The following NELL1 variants were observed in gnomAD, a reference collection of about 807,000 sequenced individuals.
NELL1 encodes neural EGFL like 1, also known as protein kinase C-binding protein NELL1.
NELL1 carries 76 observed loss-of-function variants against 107.4 expected under a neutral mutation model. The ratio of observed to expected loss-of-function variants is 0.71; its 90% CI spans 0.59 to 0.86. The LOEUF is 0.86. NELL1 is among the 40% of genes least tolerant of loss of function. The pLI, the probability that NELL1 is intolerant of heterozygous loss-of-function variation, is 0.00. For missense variants in NELL1, 1,024 were observed against 1,005.5 expected (o/e 1.02, Z -0.25); for synonymous variants, 353 against 341.2 (o/e 1.03, Z -0.38).
chr11:21,337,780 CTTTCTTT>C (rs1850451557), intron 14 of NELL1, among the ~76,000 whole-genome samples: 1 of 139,998 alleles, frequency 7.1e-6, no homozygotes, highest in Non-Finnish European at 1.5e-5. Context: ...TTCTTTCTTT[CTTTCTTT>C]CTTTCTTTCC....
chr11:21,378,165 T>C (rs184509580), intron 15 of NELL1, among the ~76,000 whole-genome samples: 4 of 151,788 alleles, frequency 2.6e-5, no homozygotes. Context: ...TCTCCAGACG[T>C]TGCCAAATAT....
intron 3 of NELL1, among the ~76,000 whole-genome samples, chr11:20,845,879 T>G (rs1272652496): frequency 6.6e-6 from 1 of 151,498 alleles, no homozygotes; most frequent in Non-Finnish European, 1.5e-5. Flanking sequence ...TTTAAACCCC[T>G]TTTTAGTTTT....
chr11:20,674,494 G>T lies in NELL1; in HGVS notation c.56-3438G>T, dbSNP rs577202976. The T allele has an allele frequency of 2.4e-5, 37 of 1,535,940 alleles. No individual in the cohort carries two copies. In the Middle Eastern group the frequency reaches 8.3e-4, roughly 35 times the overall value. On this transcript the variant is annotated intron_variant, in intron 1 of 19. Coordinates refer to ENST00000357134, the MANE Select transcript of NELL1 (RefSeq NM_006157.5). ...AAACATGAAATTTCCTACAGCAGAAGATATGAAGCCACCCGTGTTATCGCT... is the reference window on the plus strand; with the variant it reads ...AAACATGAAATTTCCTACAGCAGAATATATGAAGCCACCCGTGTTATCGCT...
intron 8 of NELL1, among the ~76,000 whole-genome samples, chr11:20,928,076 AG>A (rs1850537588): frequency 1.3e-5 from 2 of 152,246 alleles, no homozygotes; most frequent in African/African-American, 4.8e-5. Flanking sequence ...TGATTGACAG[AG>A]TCTGCAAATG....
intron 12 of NELL1, among the ~76,000 whole-genome samples, chr11:21,028,626 T>G (rs1015599317): frequency 6.6e-6 from 1 of 152,200 alleles, no homozygotes; most frequent in African/African-American, 2.4e-5. Context: ...CCCTATCAGT[T>G]GTATCCATGC....
chr11:20,876,837 C>T (rs1849313856), intron 4 of NELL1, among the ~76,000 whole-genome samples: 1 of 152,146 alleles, frequency 6.6e-6, no homozygotes, highest in Non-Finnish European at 1.5e-5. Flanking sequence ...GCAAAACCCC[C>T]TGTCACAGTC....
intron 5 of NELL1, among the ~76,000 whole-genome samples, chr11:20,915,717 A>ATATATATATATATATATATTTTTTTTT: frequency 2.4e-4 from 14 of 58,216 alleles, no homozygotes; most frequent in African/African-American, 1.1e-3. Context: ...ATATATATAT[A>ATATATATATATATATATATTTTTTTTT]TTTTTTTTTT....
chr11:20,705,376 C>T (rs1404697813), intron 2 of NELL1, among the ~76,000 whole-genome samples: 1 of 152,088 alleles, frequency 6.6e-6, no homozygotes, highest in Non-Finnish European at 1.5e-5. Context: ...CTACAACCAT[C>T]TGATCTTTGA....
At chr11:21,213,164 C>T (rs1857538950) in intron 13 of NELL1, among the ~76,000 whole-genome samples, 1 of 151,702 alleles carries the variant, frequency 6.6e-6, no homozygotes, top group South Asian at 2.1e-4. Flanking sequence ...AAAAGTCTAA[C>T]AAAACATTTA....
At chr11:20,951,051 TC>T (rs1353133553) in intron 11 of NELL1, among the ~76,000 whole-genome samples, 1 of 152,188 alleles carries the variant, frequency 6.6e-6, no homozygotes, top group African/African-American at 2.4e-5. Context: ...TTTGAAGTTT[TC>T]CAAGGTTTAT....
At chr11:21,528,869 C>T (rs1405625217) in intron 15 of NELL1, among the ~76,000 whole-genome samples, 1 of 152,078 alleles carries the variant, frequency 6.6e-6, no homozygotes, top group Non-Finnish European at 1.5e-5. Context: ...TTCTTCCACT[C>T]CTTTAGCTGC....
rs78328440 is a variant in NELL1 at position 21,230,388 on chromosome 11, C to A, written c.1549+934C>A. Among the ~76,000 whole-genome samples the A allele has an allele frequency of 9.2e-3, 1,404 of 152,274 alleles. 10 individuals are homozygous for A. The highest frequency in any genetic ancestry group is 0.031 in the Middle Eastern group (9 of 294). Reference sequence around the variant, plus strand: ...CATGACAGTGAACACTTGATCTTCTCCCCCCATTGTCCCTGGCATTTAGAG... The same window carrying A: ...CATGACAGTGAACACTTGATCTTCTACCCCCATTGTCCCTGGCATTTAGAG... On this transcript the variant is annotated intron_variant, in intron 14 of 19. Transcript: ENST00000357134.
intron 15 of NELL1, among the ~76,000 whole-genome samples, chr11:21,470,977 A>G (rs1422501212): frequency 6.6e-6 from 1 of 152,160 alleles, no homozygotes; most frequent in African/African-American, 2.4e-5. Context: ...TATTTTTTAC[A>G]TAATAGTCAC....
At chr11:21,045,962 G>A (rs1853343665) in intron 12 of NELL1, among the ~76,000 whole-genome samples, 1 of 152,056 alleles carries the variant, frequency 6.6e-6, no homozygotes, top group African/African-American at 2.4e-5. Context: ...TTGTTGTGCT[G>A]CTAATATGGT....
At chr11:21,446,651 A>T (rs1853440530) in intron 15 of NELL1, among the ~76,000 whole-genome samples, 1 of 152,332 alleles carries the variant, frequency 6.6e-6, no homozygotes, top group East Asian at 1.9e-4. Context: ...CCCACAAAAC[A>T]GGGTCTGCTG....
intron 15 of NELL1, among the ~76,000 whole-genome samples, chr11:21,435,655 T>C (rs577485307): frequency 4.6e-5 from 7 of 152,308 alleles, no homozygotes; most frequent in African/African-American, 1.7e-4. Context: ...GAACCCTTCT[T>C]GTATTCTTGG....
intron 12 of NELL1, among the ~76,000 whole-genome samples, chr11:21,066,741 C>T (rs564289898): frequency 3.3e-5 from 5 of 151,934 alleles, no homozygotes; most frequent in South Asian, 4.2e-4. Flanking sequence ...CTTGAGGTCA[C>T]GAATTAGAAA....
chr11:21,502,604 G>A (rs1855170216), intron 15 of NELL1, among the ~76,000 whole-genome samples: 1 of 151,982 alleles, frequency 6.6e-6, no homozygotes, highest in Non-Finnish European at 1.5e-5. Context: ...ATATCTATTG[G>A]ACTTTTAGTA....
At chr11:20,681,566 C>A (rs930200338) in intron 2 of NELL1, among the ~76,000 whole-genome samples, 1 of 152,090 alleles carries the variant, frequency 6.6e-6, no homozygotes, top group Non-Finnish European at 1.5e-5. Flanking sequence ...AATGCCGAAG[C>A]CTCTTCCACA....
Sources: gnomAD v4.1 joint callset for allele counts (sites outside exome capture counted in the v4.1 genomes callset) on GRCh38, gnomAD v4.1.1 for gene constraint, MANE v1.5 for transcripts, NCBI Gene and HGNC (gene_info 2026-07-23, HGNC 2026-07-21) for gene names.